Variants in CSMD1 observed in about 807,000 individuals in gnomAD.
The protein encoded by CSMD1 is CUB and sushi domain-containing protein 1.
CSMD1 carries 213 observed loss-of-function variants against 417.5 expected under a neutral mutation model. That is an observed-to-expected ratio of 0.51 (90% CI 0.46 to 0.57). The LOEUF (loss-of-function observed/expected upper bound fraction) is 0.57. Ranked by LOEUF, CSMD1 falls within the 20% of genes least tolerant of loss-of-function variation. The pLI is 0.00. For missense variants in CSMD1, 6,923 were observed against 4,529.7 expected (o/e 1.53, Z -15.17); for synonymous variants, 2,862 against 1,736.8 (o/e 1.65, Z -16.11).
At chr8:4,238,986 G>T (rs996934050) in intron 3 of CSMD1, among the ~76,000 whole-genome samples, 1 of 152,132 alleles carries the variant, frequency 6.6e-6, no homozygotes, top group Admixed American at 6.5e-5. Context: ...CCATTTTCCT[G>T]CTTCCCATCA....
At chr8:3,365,681 A>G (rs937065938) in intron 20 of CSMD1, among the ~76,000 whole-genome samples, 1 of 152,328 alleles carries the variant, frequency 6.6e-6, no homozygotes. Context: ...TTATGTGTTA[A>G]TTGACTGTAG....
intron 1 of CSMD1, among the ~76,000 whole-genome samples, chr8:4,691,153 G>T (rs1216283507): frequency 6.6e-6 from 1 of 152,238 alleles, no homozygotes; most frequent in African/African-American, 2.4e-5. Context: ...GCAAGGGAAG[G>T]AAGTGAAGGA....
chr8:4,185,228 T>C (rs1295502480), intron 3 of CSMD1, among the ~76,000 whole-genome samples: 1 of 151,850 alleles, frequency 6.6e-6, no homozygotes, highest in Non-Finnish European at 1.5e-5. Context: ...GGGAACCTGC[T>C]TTCTTGCCTT....
At chr8:4,108,504 G>A (rs1801686080) in intron 3 of CSMD1, among the ~76,000 whole-genome samples, 1 of 152,172 alleles carries the variant, frequency 6.6e-6, no homozygotes, top group Non-Finnish European at 1.5e-5. Flanking sequence ...TCTTATAAAT[G>A]CAGTTTTAAT....
intron 54 of CSMD1, among the ~76,000 whole-genome samples, chr8:2,991,215 T>C (rs1055378246): frequency 1.3e-5 from 2 of 152,210 alleles, no homozygotes; most frequent in Non-Finnish European, 2.9e-5. Flanking sequence ...TCAATGTTCT[T>C]CCACTTAAAA....
At chr8:3,973,961 A>G (rs1005986484) in intron 5 of CSMD1, among the ~76,000 whole-genome samples, 3 of 152,210 alleles carry the variant, frequency 2.0e-5, no homozygotes, top group African/African-American at 7.2e-5. Flanking sequence ...TGGGATATCC[A>G]TTCCCTCAAG....
chr8:3,340,729 G>C (rs1247986229), intron 23 of CSMD1, among the ~76,000 whole-genome samples: 1 of 152,074 alleles, frequency 6.6e-6, no homozygotes, highest in African/African-American at 2.4e-5. Flanking sequence ...TTTAATGTGA[G>C]GTTAATACTA....
At chr8:3,653,646 C>T (rs57909294) in intron 7 of CSMD1, among the ~76,000 whole-genome samples, 3,489 of 152,168 alleles carry the variant, frequency 0.023, 142 homozygotes, top group African/African-American at 0.079. Flanking sequence ...CTTTAGGCCA[C>T]GAAGCCTGAT....
chr8:4,095,023 A>C (rs570806295), intron 3 of CSMD1, among the ~76,000 whole-genome samples: 23 of 152,160 alleles, frequency 1.5e-4, no homozygotes, highest in Non-Finnish European at 3.1e-4. Flanking sequence ...CATGGCAACA[A>C]AGATCTTGAG....
chr8:3,090,121 T>C (rs573868195), intron 48 of CSMD1, among the ~76,000 whole-genome samples: 45 of 151,794 alleles, frequency 3.0e-4, no homozygotes, highest in Admixed American at 3.0e-3. Flanking sequence ...GTGACCATCC[T>C]GGCTAACACG....
chr8:4,017,664 T>A (rs1011566928), intron 4 of CSMD1, among the ~76,000 whole-genome samples: 1 of 150,988 alleles, frequency 6.6e-6, no homozygotes, highest in African/African-American at 2.4e-5. Context: ...TAATTAAGAA[T>A]TTTTTTTTTC....
intron 18 of CSMD1, among the ~76,000 whole-genome samples, chr8:3,386,494 C>A (rs1019558366): frequency 2.0e-5 from 3 of 152,188 alleles, no homozygotes; most frequent in Non-Finnish European, 4.4e-5. Context: ...TGGGTTCGTG[C>A]TTTGGTGACA....
chr8:4,827,881 G>A (rs1324238836), intron 1 of CSMD1, among the ~76,000 whole-genome samples: 6 of 151,928 alleles, frequency 3.9e-5, no homozygotes, highest in Non-Finnish European at 5.9e-5. Flanking sequence ...AATCTTTCTC[G>A]TCCTCAAGCA....
chr8:4,879,045 G>C (rs1803228675), intron 1 of CSMD1, among the ~76,000 whole-genome samples: 1 of 151,976 alleles, frequency 6.6e-6, no homozygotes, highest in Non-Finnish European at 1.5e-5. Context: ...AAGATTTCAA[G>C]GGTTAAGGTA....
chr8:4,569,936 CTCTG>C lies in CSMD1; in HGVS notation c.302+67402_302+67405del, dbSNP rs1048180144. ...GTGGGTGTTCACTTATGATTTGGCT[CTCTG>C]TCTATTGTTGGTGTATAGGAATGCT... is the stretch of plus-strand genomic sequence containing the variant. On this transcript the variant is annotated intron_variant, in intron 2 of 69. Transcript: ENST00000635120. 4.1e-3 allele frequency among the ~76,000 whole-genome samples: 618 copies of C among 152,040 alleles called. 4 individuals carry two copies. Among genetic ancestry groups the C allele is most frequent in the African/African-American group, 0.014 (595 of 41,496 alleles).
chr8:4,579,057 C>G, intron 2 of CSMD1, among the ~76,000 whole-genome samples: 1 of 151,426 alleles, frequency 6.6e-6, no homozygotes, highest in South Asian at 2.1e-4. Flanking sequence ...CAAAAGATAT[C>G]TTTCTGCAAT....
At chr8:3,528,061 A>T (rs1797827237) in intron 10 of CSMD1, among the ~76,000 whole-genome samples, 1 of 152,092 alleles carries the variant, frequency 6.6e-6, no homozygotes, top group South Asian at 2.1e-4. Flanking sequence ...GGCAAAATCC[A>T]AACCACCCCC....
At chr8:4,557,512 G>C (rs566518206) in intron 2 of CSMD1, among the ~76,000 whole-genome samples, 1 of 151,524 alleles carries the variant, frequency 6.6e-6, no homozygotes, top group Non-Finnish European at 1.5e-5. Flanking sequence ...AATATTATCA[G>C]TTGAGAAATA....
intron 5 of CSMD1, among the ~76,000 whole-genome samples, chr8:3,813,498 A>T (rs1399240603): frequency 6.6e-6 from 1 of 152,192 alleles, no homozygotes; most frequent in Non-Finnish European, 1.5e-5. Context: ...GTGCATTAAA[A>T]GAAGGGCTGG....
Sources: gnomAD v4.1 joint callset for allele counts (sites outside exome capture counted in the v4.1 genomes callset) on GRCh38, gnomAD v4.1.1 for gene constraint, MANE v1.5 for transcripts, NCBI Gene and HGNC (gene_info 2026-07-23, HGNC 2026-07-21) for gene names.